USP28: variants seen among roughly 807,000 people sequenced by gnomAD.
USP28 encodes the protein ubiquitin specific peptidase 28.
USP28 carries 113 observed loss-of-function variants against 145.0 expected under a neutral mutation model. The observed-to-expected ratio is 0.78, with a 90% CI of 0.67 to 0.91. USP28 has a LOEUF of 0.91. Among genes scored for constraint, USP28 ranks in the 40% least tolerant of loss-of-function variants. The pLI is 0.00. For missense variants in USP28, 1,201 were observed against 1,289.6 expected (o/e 0.93, Z 1.05); for synonymous variants, 447 against 450.9 (o/e 0.99, Z 0.11).
intron 13 of USP28, 122 bp from the exon 14 acceptor site, chr11:113,815,504 T>C (rs1198909434): frequency 3.3e-6 from 3 of 899,156 alleles, no homozygotes; most frequent in Non-Finnish European, 1.7e-6. Context: ...GCATTAACTC[T>C]ATAAAGGTAC....
At chr11:113,800,841 ATTT>A (rs537961894) in intron 24 of USP28, among the ~76,000 whole-genome samples, 1 of 134,412 alleles carries the variant, frequency 7.4e-6, no homozygotes, top group Non-Finnish European at 1.6e-5. Flanking sequence ...ACTCTGCATG[ATTT>A]TTTTTTTTTT....
At chr11:113,857,930 A>ATT (rs1947241997) in intron 1 of USP28, among the ~76,000 whole-genome samples, 2 of 151,988 alleles carry the variant, frequency 1.3e-5, no homozygotes, top group Admixed American at 1.3e-4. Context: ...GCATGGTACA[A>ATT]TCTTAGCTCA....
chr11:113,837,197 G>A (rs571292019), intron 5 of USP28, among the ~76,000 whole-genome samples: 1 of 152,138 alleles, frequency 6.6e-6, no homozygotes, highest in Non-Finnish European at 1.5e-5. Flanking sequence ...TTAGTTTACT[G>A]TTCATTTTCT....
At chr11:113,820,245 T>C (rs1942394808) in intron 12 of USP28, 2 of 152,196 alleles carry the variant, frequency 1.3e-5, no homozygotes, top group Admixed American at 6.5e-5. Flanking sequence ...TCCAAGCTAC[T>C]GTCTTACCTC....
At chr11:113,843,896 G>A (rs890233235) in intron 3 of USP28, among the ~76,000 whole-genome samples, 21 of 151,992 alleles carry the variant, frequency 1.4e-4, no homozygotes, top group African/African-American at 4.8e-4. Flanking sequence ...TCAACAAATG[G>A]TGCTGTGACA....
At chr11:113,840,481 A>C in intron 5 of USP28, 117 bp downstream of exon 5, 1 of 1,321,478 alleles carries the variant, frequency 7.6e-7, no homozygotes, top group Non-Finnish European at 1.0e-6. Context: ...TGCCAGAAAA[A>C]CTCCCCTAAT....
At chr11:113,803,970 T>G in intron 21 of USP28, 93 bp from the exon 23 acceptor site, 2 of 1,107,984 alleles carry the variant, frequency 1.8e-6, no homozygotes, top group Non-Finnish European at 2.6e-6. Context: ...AAATATTTAC[T>G]GAGCACATCT....
intron 1 of USP28, among the ~76,000 whole-genome samples, chr11:113,863,631 G>A (rs1288109613): frequency 7.7e-5 from 10 of 129,254 alleles, no homozygotes; most frequent in Non-Finnish European, 1.1e-4. Flanking sequence ...GCAACAGAGT[G>A]AGACCCTGTC....
chr11:113,835,115 T>C (rs1944425195), intron 5 of USP28: 2 of 373,768 alleles, frequency 5.4e-6, no homozygotes, highest in African/African-American at 4.2e-5. Context: ...TGTCATAGTA[T>C]TGTATTTTTT....
At chr11:113,816,646 G>C (rs1941785042) in intron 13 of USP28, among the ~76,000 whole-genome samples, 1 of 152,120 alleles carries the variant, frequency 6.6e-6, no homozygotes, top group African/African-American at 2.4e-5. Context: ...CAAGGGAACA[G>C]ATATCTCAAT....
At chr11:113,873,565 G>T (rs770539189) in intron 1 of USP28, among the ~76,000 whole-genome samples, 4 of 152,174 alleles carry the variant, frequency 2.6e-5, no homozygotes, top group Non-Finnish European at 5.9e-5. Flanking sequence ...TAGGCACATG[G>T]TCTTAAATGA....
intron 11 of USP28, among the ~76,000 whole-genome samples, chr11:113,823,999 G>A (rs1226575542): frequency 6.6e-6 from 1 of 152,088 alleles, no homozygotes; most frequent in South Asian, 2.1e-4. Flanking sequence ...CTGCCTTTTA[G>A]TTCCACATGA....
chr11:113,800,059 G>A (rs1435384332), intron 24 of USP28, among the ~76,000 whole-genome samples: 1 of 151,464 alleles, frequency 6.6e-6, no homozygotes, highest in Non-Finnish European at 1.5e-5. Context: ...AGGCTGGAGT[G>A]CAGTGGCGCC....
Position 113,865,042 on chromosome 11 carries a change from G to A in USP28, c.57+10403C>T, listed in dbSNP as rs570804666. 2.1e-3 allele frequency among the ~76,000 whole-genome samples: 323 copies of A among 152,210 alleles called. 1 individual carries two copies. The highest frequency in any genetic ancestry group is 3.4e-3 in the Middle Eastern group (1 of 294). ...TTCGGTAAAGGTGAGGTTTCACCAC[G>A]TTGCCCAGGCTGGTCTTGAACTCCT... On this transcript the variant is annotated intron_variant, in intron 1 of 24. Transcript: ENST00000003302.
intron 1 of USP28, among the ~76,000 whole-genome samples, chr11:113,873,992 T>G (rs1362209409): frequency 6.7e-6 from 1 of 149,570 alleles, no homozygotes; most frequent in Admixed American, 6.7e-5. Context: ...AATACAAAAA[T>G]TAGCTGGGCG....
At chr11:113,859,076 G>A (rs1947369693) in intron 1 of USP28, among the ~76,000 whole-genome samples, 1 of 151,844 alleles carries the variant, frequency 6.6e-6, no homozygotes, top group Admixed American at 6.6e-5. Context: ...TGGGGGTCTC[G>A]CTATGTTGAC....
chr11:113,803,227 C>A (rs752559362), exon 23 of USP28: 1 of 1,614,042 alleles, frequency 6.2e-7, no homozygotes, highest in Non-Finnish European at 8.5e-7. Context: ...CCTTCATCAG[C>A]AGGGCAGCAT....
At chr11:113,841,845 A>T in intron 3 of USP28, 77 bp from the exon 4 acceptor site, 1 of 960,296 alleles carries the variant, frequency 1.0e-6, no homozygotes, top group Non-Finnish European at 1.5e-6. Context: ...AAAGGTAAAG[A>T]CATACTCCCT....
intron 2 of USP28, 107 bp downstream of exon 2, chr11:113,854,151 T>A (rs1946785287): frequency 9.2e-6 from 9 of 977,736 alleles, no homozygotes; most frequent in Non-Finnish European, 1.4e-5. Context: ...AGAGCTTCTG[T>A]CCCTATATGT....
Sources: allele counts gnomAD v4.1 joint callset (sites outside exome capture counted in the v4.1 genomes callset), GRCh38; gene constraint gnomAD v4.1.1; transcripts MANE v1.5; gene names NCBI Gene and HGNC (gene_info 2026-07-23, HGNC 2026-07-21).